The following SPHKAP variants were observed in gnomAD, a reference collection of about 807,000 sequenced individuals.
SPHKAP encodes the protein A-kinase anchor protein SPHKAP.
A neutral mutation model predicts 137.5 loss-of-function variants in SPHKAP; 67 were observed. The ratio of observed to expected loss-of-function variants is 0.49; its 90% CI spans 0.40 to 0.60. The LOEUF is 0.60. Ranked by LOEUF, SPHKAP falls within the 20% of genes least tolerant of loss-of-function variation. SPHKAP has a pLI of 0.00. For synonymous variants in SPHKAP, 813 were observed against 785.3 expected, an observed-to-expected ratio of 1.04 and a Z score of -0.59; for missense variants, 2,097 against 2,069.3, an observed-to-expected ratio of 1.01 and a Z score of -0.26.
chr2:228,132,801 C>T (rs1310485139), intron 1 of SPHKAP, among the ~76,000 whole-genome samples: 1 of 146,676 alleles, frequency 6.8e-6, no homozygotes, highest in Non-Finnish European at 1.5e-5. Flanking sequence ...AGTTTGAGAC[C>T]AGCCTGGCCA....
At chr2:228,134,537 C>A (rs1334029088) in intron 1 of SPHKAP, among the ~76,000 whole-genome samples, 1 of 152,162 alleles carries the variant, frequency 6.6e-6, no homozygotes, top group East Asian at 1.9e-4. Flanking sequence ...ACTTACTTAC[C>A]CAAGCGTGGA....
At chr2:228,154,554 T>A (rs1241109191) in intron 1 of SPHKAP, among the ~76,000 whole-genome samples, 1 of 74,522 alleles carries the variant, frequency 1.3e-5, no homozygotes, top group Non-Finnish European at 2.7e-5. Flanking sequence ...TTTTTTTTTT[T>A]TTTTTTTTTT....
At position 228,017,129 on chromosome 2, in the gene SPHKAP, C is replaced by A; in HGVS notation, c.3725G>T (p.Ser1242Ile). The A allele has an allele frequency of 1.2e-6, 2 of 1,614,024 alleles. No homozygotes were observed. The highest frequency in any genetic ancestry group is 1.7e-6 in the Non-Finnish European group (2 of 1,180,016). Residue 1242 changes from serine (S) to isoleucine (I), a missense_variant, in exon 7 of 12, where the codon AGC (serine) becomes ATC (isoleucine). Physicochemically the swap from Ser to Ile is moderately radical, Grantham distance 142. Transcript: ENST00000392056. ...VCHRQSSMPD[S>I]RSPCSRLTVN... ...TGTCAGCCTGGAGCATGGGGATCTGCTGTCTGGCATGGACGACTGTCTGTG... is the reference window on the plus strand; with the variant it reads ...TGTCAGCCTGGAGCATGGGGATCTGATGTCTGGCATGGACGACTGTCTGTG...
intron 3 of SPHKAP, among the ~76,000 whole-genome samples, chr2:228,070,258 G>C (rs1433825091): frequency 6.6e-6 from 1 of 152,088 alleles, no homozygotes; most frequent in East Asian, 1.9e-4. Context: ...ATAAGCTAGA[G>C]ACATAATTGT....
At chr2:228,115,185 G>A (rs10209576) in intron 2 of SPHKAP, among the ~76,000 whole-genome samples, 52,353 of 151,906 alleles carry the variant, frequency 0.34, 9,301 homozygotes, top group East Asian at 0.5. Flanking sequence ...TCTCCTTATC[G>A]TTTGCAGAGT....
At chr2:228,073,204 C>A (rs1242871225) in intron 3 of SPHKAP, among the ~76,000 whole-genome samples, 1 of 152,144 alleles carries the variant, frequency 6.6e-6, no homozygotes, top group Non-Finnish European at 1.5e-5. Flanking sequence ...AATGTTCTTT[C>A]CCTCCTGATG....
rs1697421123 is a variant in SPHKAP at position 228,083,277 on chromosome 2, T to C, written c.246+25555A>G. Reference sequence around the variant, plus strand: ...GTCACCTTAAGAAATGATGCCAGAATGGCTGAACTAATTTATATTCCCACC... The same window carrying C: ...GTCACCTTAAGAAATGATGCCAGAACGGCTGAACTAATTTATATTCCCACC... On this transcript the variant is annotated intron_variant, in intron 3 of 11. Coordinates refer to ENST00000392056, the MANE Select transcript of SPHKAP (RefSeq NM_001142644.2). Among the ~76,000 whole-genome samples, 4 of 152,362 alleles carry C rather than the reference T, an allele frequency of 2.6e-5. 1 individual carries two copies. In the South Asian group the frequency reaches 8.3e-4, roughly 32 times the overall value.
At chr2:228,020,328 C>A in intron 6 of SPHKAP, 172 bp from the exon 7 acceptor site, 1 of 395,800 alleles carries the variant, frequency 2.5e-6, no homozygotes, top group Non-Finnish European at 3.4e-6. Flanking sequence ...AAATGTCCAT[C>A]AATGATAGAC....
intron 7 of SPHKAP, among the ~76,000 whole-genome samples, chr2:228,010,338 C>T (rs1288059034): frequency 6.6e-6 from 1 of 152,052 alleles, no homozygotes; most frequent in Non-Finnish European, 1.5e-5. Context: ...ACCAGCCTGG[C>T]CAACATGGTG....
At chr2:228,163,228 T>C (rs1158235012) in intron 1 of SPHKAP, among the ~76,000 whole-genome samples, 1 of 151,966 alleles carries the variant, frequency 6.6e-6, no homozygotes, top group Non-Finnish European at 1.5e-5. Flanking sequence ...TTCTGGTAGG[T>C]TTTAGATTTT....
intron 3 of SPHKAP, among the ~76,000 whole-genome samples, chr2:228,035,504 C>CT (rs1371804131): frequency 6.6e-6 from 1 of 152,144 alleles, no homozygotes; most frequent in East Asian, 1.9e-4. Context: ...CTACCAATGA[C>CT]TTTCTTCACA....
At chr2:228,180,727 G>A (rs1388984980) in intron 1 of SPHKAP, among the ~76,000 whole-genome samples, 1 of 152,198 alleles carries the variant, frequency 6.6e-6, no homozygotes, top group Non-Finnish European at 1.5e-5. Flanking sequence ...CCGGCTGGGG[G>A]AGCAGGCCCA....
At chr2:228,077,418 A>C (rs1006588144) in intron 3 of SPHKAP, among the ~76,000 whole-genome samples, 1 of 152,196 alleles carries the variant, frequency 6.6e-6, no homozygotes, top group South Asian at 2.1e-4. Flanking sequence ...GCCACAGGGG[A>C]AGAGGTGTCC....
intron 3 of SPHKAP, among the ~76,000 whole-genome samples, chr2:228,069,600 A>G (rs1405185730): frequency 1.3e-5 from 2 of 150,616 alleles, no homozygotes; most frequent in African/African-American, 2.5e-5. Flanking sequence ...ATTTAAAAGA[A>G]GTTTTTTTTT....
chr2:228,002,506 A>G (rs1459020037), intron 7 of SPHKAP, among the ~76,000 whole-genome samples: 12 of 151,988 alleles, frequency 7.9e-5, no homozygotes. Context: ...ATTTTCTCCC[A>G]TTTTGTAGGT....
At chr2:228,166,204 T>C (rs1453671401) in intron 1 of SPHKAP, among the ~76,000 whole-genome samples, 1 of 152,196 alleles carries the variant, frequency 6.6e-6, no homozygotes, top group Non-Finnish European at 1.5e-5. Context: ...AGGGCCATGT[T>C]TACATACAAT....
intron 3 of SPHKAP, among the ~76,000 whole-genome samples, chr2:228,041,092 A>G (rs967315279): frequency 6.6e-6 from 1 of 152,200 alleles, no homozygotes; most frequent in Non-Finnish European, 1.5e-5. Flanking sequence ...AAAATACACA[A>G]TACCATAAGA....
intron 7 of SPHKAP, among the ~76,000 whole-genome samples, chr2:228,001,282 CATAT>C (rs1693853876): frequency 1.2e-5 from 1 of 86,836 alleles, no homozygotes; most frequent in Admixed American, 1.3e-4. Context: ...TATATCTATA[CATAT>C]ATCTATACAT....
chr2:228,049,347 TA>T (rs1436997740), intron 3 of SPHKAP, among the ~76,000 whole-genome samples: 3 of 152,178 alleles, frequency 2.0e-5, no homozygotes, highest in Non-Finnish European at 4.4e-5. Context: ...TAATGAAAAA[TA>T]TCTGCCTTCT....
Sources: gnomAD v4.1 joint callset for allele counts (sites outside exome capture counted in the v4.1 genomes callset) on GRCh38, gnomAD v4.1.1 for gene constraint, MANE v1.5 for transcripts, NCBI Gene and HGNC (gene_info 2026-07-23, HGNC 2026-07-21) for gene names.